The following SYP variants were observed in gnomAD, a reference collection of about 807,000 sequenced individuals.
The protein encoded by SYP is synaptophysin, also known as major synaptic vesicle protein P38.
Under a neutral mutation model 24.3 loss-of-function variants are expected in SYP, and 2 were observed. The ratio of observed to expected loss-of-function variants is 0.08; its 90% confidence interval spans 0.03 to 0.26. SYP has a LOEUF of 0.26. Among genes scored for constraint, SYP ranks in the 10% least tolerant of loss-of-function variants. The pLI, the probability that SYP is intolerant of heterozygous loss-of-function variation, is 1.00. For missense variants in SYP, 216 were observed against 266.3 expected (o/e 0.81, Z 1.32); for synonymous variants, 143 against 123.2 (o/e 1.16, Z -1.07).
intron 2 of SYP, chrX:49,198,270 G>C (rs1290174479): frequency 5.9e-6 from 1 of 169,477 alleles, no homozygotes; most frequent in Non-Finnish European, 1.1e-5. Flanking sequence ...GTCTGTGTAA[G>C]TGTATGCCTG....
At chrX:49,192,421 G>T (rs1484496250) in intron 5 of SYP, among the ~76,000 whole-genome samples, 1 of 112,413 alleles carries the variant, frequency 8.9e-6, no homozygotes, top group African/African-American at 3.2e-5. Context: ...TTGAACTCCC[G>T]ACCTCAGGTG....
chrX:49,192,599 G>C (rs1408143754), intron 5 of SYP, among the ~76,000 whole-genome samples: 1 of 112,214 alleles, frequency 8.9e-6, no homozygotes, highest in Non-Finnish European at 1.9e-5. Context: ...ATTCAGTTTT[G>C]GGCAGGAAAT....
At chrX:49,194,063 C>T (rs1282160066) in intron 4 of SYP, 103 bp downstream of exon 4, 52 of 959,247 alleles carry the variant, frequency 5.4e-5, no homozygotes, top group Non-Finnish European at 7.4e-5. Flanking sequence ...TGGCTGTTTG[C>T]ATGTGGGCCT....
In SYP at chrX:49,188,065, G is replaced by A. The variant is rs1329962262; in HGVS notation, c.*1222C>T. On this transcript the variant is annotated 3_prime_UTR_variant, in exon 7 of 7. Transcript: ENST00000263233. ...CCCCAGGACGGGTGGAGGTGTGGAG[G>A]GAGGGAGGGCGCAGGGGAAGGGGGA... is the stretch of plus-strand genomic sequence containing the variant. The A allele has an allele frequency of 9.1e-6, 1 of 109,702 alleles. No individual in the cohort carries two copies. The highest frequency in any genetic ancestry group is 3.3e-5 in the African/African-American group (1 of 29,967). 9.0% of individuals were successfully genotyped at this position (109,702 alleles called of 1,213,427 possible).
In SYP at chrX:49,191,422, C is replaced by A; in HGVS notation, c.*4+11G>T. 8.3e-7 allele frequency: 1 copy of A among 1,209,316 alleles called. No individual in the cohort carries two copies. The highest frequency in any genetic ancestry group is 1.1e-6 in the Non-Finnish European group (1 of 894,202). ...TACCCTCCTTGGCCGCACCGCTCGCCGGTCACTCACCAGACTACATCTGAT... is the reference window on the plus strand; with the variant it reads ...TACCCTCCTTGGCCGCACCGCTCGCAGGTCACTCACCAGACTACATCTGAT... On this transcript the variant is annotated intron_variant, in intron 6 of 6. Transcript: ENST00000263233.
At chrX:49,189,648 T>C (rs2065499433) in intron 6 of SYP, among the ~76,000 whole-genome samples, 1 of 110,527 alleles carries the variant, frequency 9.0e-6, no homozygotes, top group Admixed American at 9.8e-5. Flanking sequence ...TCGTATAACA[T>C]AGGGTGACAA....
chrX:49,191,267 C>T, intron 6 of SYP, 166 bp downstream of exon 6: 1 of 550,583 alleles, frequency 1.8e-6, no homozygotes, highest in Non-Finnish European at 3.1e-6. Flanking sequence ...AGTTTTTCAG[C>T]TCTTAGCAGG....
intron 2 of SYP, chrX:49,198,588 C>G (rs1557103596): frequency 1.6e-5 from 3 of 184,425 alleles, no homozygotes; most frequent in Non-Finnish European, 3.0e-5. Context: ...CTCAGTATTT[C>G]CATCTCTGTC....
intron 3 of SYP, among the ~76,000 whole-genome samples, chrX:49,195,669 G>C (rs2147883363): frequency 9.0e-6 from 1 of 111,161 alleles, no homozygotes; most frequent in South Asian, 3.8e-4. Context: ...TGTGGGAGAA[G>C]TTCTGGAGCA....
intron 5 of SYP, 39 bp from the exon 6 acceptor site, chrX:49,191,802 T>C: frequency 8.6e-7 from 1 of 1,162,569 alleles, no homozygotes. Flanking sequence ...ACCCCGCCCA[T>C]TGCCTTGGCG....
rs1557102790 is a variant in SYP, at chrX:49,191,772, A to C, written c.616-9T>G. Reference sequence around the variant, plus strand: ...TTCAGGAAGCCGAACACCTGCAGGGAGACAAGGCTCGGCTGTGGTACCCCG... The same window carrying C: ...TTCAGGAAGCCGAACACCTGCAGGGCGACAAGGCTCGGCTGTGGTACCCCG... On this transcript the variant is annotated splice_polypyrimidine_tract_variant and intron_variant, in intron 5 of 6. Transcript: ENST00000263233. 1 of 1,199,297 alleles carries C rather than the reference A, an allele frequency of 8.3e-7. No homozygotes were observed. Among genetic ancestry groups the C allele is most frequent in the South Asian group, 1.8e-5 (1 of 55,544 alleles).
chrX:49,199,185 C>A (rs187046182), intron 1 of SYP, 152 bp from the exon 2 acceptor site: 108 of 543,150 alleles, frequency 2.0e-4, no homozygotes, highest in Middle Eastern at 1.5e-3. Context: ...ATGGTGTGAG[C>A]CCCAGGGTCC....
At chrX:49,192,552 T>A (rs2147881798) in intron 5 of SYP, among the ~76,000 whole-genome samples, 1 of 112,542 alleles carries the variant, frequency 8.9e-6, no homozygotes, top group African/African-American at 3.2e-5. Context: ...TGCCAAGCCC[T>A]CTTCTAAGAG....
At chrX:49,191,838 G>A in intron 5 of SYP, 75 bp from the exon 6 acceptor site, 1 of 1,067,619 alleles carries the variant, frequency 9.4e-7, no homozygotes, top group African/African-American at 1.8e-5. Flanking sequence ...ATGAGCATGC[G>A]GGGAATGAAT....
chrX:49,188,914 GGA>G lies in SYP; in HGVS notation c.*371_*372del, dbSNP rs1182663640. The G allele has an allele frequency of 1.8e-5, 2 of 110,738 alleles. No individual in the cohort carries two copies. Among genetic ancestry groups the G allele is most frequent in the Non-Finnish European group, 3.8e-5 (2 of 52,835 alleles). The allele number at this position is 110,738 out of a possible 1,213,427, so 9.1% of individuals were successfully genotyped here. A position where few individuals can be genotyped will look rare whatever the true frequency, so the allele number is the denominator to read the frequency against. On this transcript the variant is annotated 3_prime_UTR_variant, in exon 7 of 7. Transcript: ENST00000263233. ...GTTGGGAGGAGTGGAGGGAGAGAGAGGAGAGAGTCTGAAGTCACGCCCACCCT... is the reference window on the plus strand; with the variant it reads ...GTTGGGAGGAGTGGAGGGAGAGAGAGGAGAGTCTGAAGTCACGCCCACCCT...
intron 3 of SYP, among the ~76,000 whole-genome samples, chrX:49,195,434 C>T (rs2065525501): frequency 9.0e-6 from 1 of 110,761 alleles, no homozygotes; most frequent in Non-Finnish European, 1.9e-5. Context: ...CTCATGTTGA[C>T]TTTTCTCCCC....
Position 49,194,380 on chromosome X carries a change from A to G in SYP, c.228-19T>C. On this transcript the variant is annotated intron_variant, in intron 3 of 6. Coordinates refer to ENST00000263233, the MANE Select transcript of SYP (RefSeq NM_003179.3). ...GTGCAGCCTGCAAACAGAGGTGGGC[A>G]GGTGTGGCCCAGCCCCTCAGAACAC... The G allele has an allele frequency of 8.3e-7, 1 of 1,206,975 alleles. No homozygotes were observed. Among genetic ancestry groups the G allele is most frequent in the Non-Finnish European group, 1.1e-6 (1 of 892,431 alleles).
At chrX:49,195,488 A>T (rs182452364) in intron 3 of SYP, among the ~76,000 whole-genome samples, 1 of 110,952 alleles carries the variant, frequency 9.0e-6, no homozygotes, top group East Asian at 2.8e-4. Flanking sequence ...TATGCATAGC[A>T]GAGGAGAGGC....
rs368552216 is a variant in SYP at position 49,198,954 on chromosome X, C to T, written c.102+14G>A. 13 of 1,208,701 alleles carry T rather than the reference C, an allele frequency of 1.1e-5. No homozygotes were observed. Among genetic ancestry groups the T allele is most frequent in the South Asian group, 7.1e-5 (4 of 56,674 alleles). On this transcript the variant is annotated intron_variant, in intron 2 of 6. Coordinates refer to ENST00000263233, the MANE Select transcript of SYP (RefSeq NM_003179.3). ...CTCCCTGCACTCTGCCCCAACAGCC[C>T]GGACCACACTCACCCATTGCAGCAC...
Sources: allele counts gnomAD v4.1 joint callset (sites outside exome capture counted in the v4.1 genomes callset), GRCh38; gene constraint gnomAD v4.1.1; transcripts MANE v1.5; gene names NCBI Gene and HGNC (gene_info 2026-07-23, HGNC 2026-07-21).